Variants in TRMT9B observed in about 807,000 individuals in gnomAD.
The protein encoded by TRMT9B is tRNA methyltransferase 9B (putative).
Under a neutral mutation model 11.5 loss-of-function variants are expected in TRMT9B, and 16 were observed. The ratio of observed to expected loss-of-function variants is 1.39; its 90% CI spans 0.94 to 2.11. The LOEUF is 2.11. Ranked by LOEUF, TRMT9B falls within the 30% of genes most tolerant of loss-of-function variation. TRMT9B has a pLI of 0.00. For synonymous variants in TRMT9B, 274 were observed against 192.4 expected (o/e 1.42, Z -3.51); for missense variants, 941 against 553.8 (o/e 1.70, Z -7.02).
At chr8:12,987,748 C>T (rs185993375) in intron 1 of TRMT9B, among the ~76,000 whole-genome samples, 10 of 152,202 alleles carry the variant, frequency 6.6e-5, no homozygotes, top group African/African-American at 2.4e-4. Flanking sequence ...GCTTACCTCC[C>T]TAGCCTACCT....
intron 3 of TRMT9B, among the ~76,000 whole-genome samples, chr8:13,009,386 GA>G (rs1432545501): frequency 2.0e-5 from 3 of 152,118 alleles, no homozygotes; most frequent in Non-Finnish European, 2.9e-5. Flanking sequence ...ATAGGGAAAG[GA>G]TGTGAACAAA....
chr8:13,021,486 A>T lies in TRMT9B; in HGVS notation c.807A>T (p.Arg269Ser). Residue 269 changes from arginine (R) to serine (S), a missense_variant, in exon 5 of 5, where the codon AGA becomes AGT. Coordinates refer to ENST00000524591, the MANE Select transcript of TRMT9B (RefSeq NM_020844.3). ...STLRKQIERVRPLKNTEVWAS... is the reference protein window; with the variant it reads ...STLRKQIERVSPLKNTEVWAS... ...TGAGGAAGCAAATTGAAAGAGTAAG[A>T]CCCTTGAAAAACACAGAAGTTTGGG... 3.1e-6 allele frequency: 5 copies of T among 1,613,764 alleles called. No individual in the cohort carries two copies. Among genetic ancestry groups the T allele is most frequent in the Middle Eastern group, 1.6e-4 (1 of 6,062 alleles).
intron 1 of TRMT9B, among the ~76,000 whole-genome samples, chr8:12,977,109 CTA>C (rs1223161368): frequency 6.6e-6 from 1 of 152,208 alleles, no homozygotes; most frequent in Non-Finnish European, 1.5e-5. Context: ...AATGTCTACT[CTA>C]TTGAATCCCT....
intron 1 of TRMT9B, among the ~76,000 whole-genome samples, chr8:12,980,773 G>A (rs543974868): frequency 1.3e-5 from 2 of 152,220 alleles, no homozygotes; most frequent in African/African-American, 4.8e-5. Flanking sequence ...GAGGAGAAAG[G>A]AAATTCCAGG....
At chr8:13,014,566 A>G (rs990671076) in intron 4 of TRMT9B, among the ~76,000 whole-genome samples, 1 of 152,126 alleles carries the variant, frequency 6.6e-6, no homozygotes, top group African/African-American at 2.4e-5. Flanking sequence ...TCACAACTTC[A>G]TCTAAACCTC....
intron 2 of TRMT9B, among the ~76,000 whole-genome samples, chr8:13,002,450 A>G (rs1168965957): frequency 6.6e-6 from 1 of 152,230 alleles, no homozygotes; most frequent in African/African-American, 2.4e-5. Flanking sequence ...AGCCAGCCAT[A>G]TGTTTACTTC....
In TRMT9B at chr8:13,006,308, C is replaced by T. The variant is rs773953427; in HGVS notation, c.106C>T (p.Arg36Cys). The change falls in exon 3 of 5, where the codon CGC becomes TGC. Residue 36 changes from arginine to cysteine, a missense_variant. By Grantham distance (180) the Arg-to-Cys change is radical (BLOSUM62 -3). Transcript: ENST00000524591. ...DLQSKAWPRV[R>C]QFLQEQKPGS... ...GCAGAGCAAAGCCTGGCCTCGTGTC[C>T]GCCAGTTCCTGCAAGAGCAGAAGCC... 1.3e-5 allele frequency: 21 copies of T among 1,613,624 alleles called. No homozygotes were observed. Among genetic ancestry groups the T allele is most frequent in the African/African-American group, 5.3e-5 (4 of 75,044 alleles).
intron 1 of TRMT9B, among the ~76,000 whole-genome samples, chr8:12,950,043 G>A (rs1800472417): frequency 6.6e-6 from 1 of 151,984 alleles, no homozygotes; most frequent in South Asian, 2.1e-4. Context: ...TTTCAGAAAT[G>A]AGGTTTCACT....
chr8:12,968,048 C>A (rs529170290), intron 1 of TRMT9B, among the ~76,000 whole-genome samples: 1 of 152,174 alleles, frequency 6.6e-6, no homozygotes, highest in African/African-American at 2.4e-5. Flanking sequence ...CCACACCCAG[C>A]TAATTCTTGC....
chr8:13,011,980 G>C lies in TRMT9B; in HGVS notation c.155-704G>C, dbSNP rs1210434812. 3.0e-6 allele frequency: 3 copies of C among 985,192 alleles called. No homozygotes were observed. In the South Asian group the frequency reaches 1.4e-4, roughly 46 times the overall value. 61.0% of individuals were successfully genotyped at this position (985,192 alleles called of 1,614,324 possible). A position where few individuals can be genotyped will look rare whatever the true frequency, so the allele number is the denominator to read the frequency against. ...GTAAGAATCTTTGGAGAGACAACAG[G>C]AGAATAAAAGCCGAAACATGCGTAT... On this transcript the variant is annotated intron_variant, in intron 3 of 4. Coordinates refer to ENST00000524591, the MANE Select transcript of TRMT9B (RefSeq NM_020844.3).
At chr8:12,969,465 A>G (rs942676496) in intron 1 of TRMT9B, among the ~76,000 whole-genome samples, 3 of 152,212 alleles carry the variant, frequency 2.0e-5, no homozygotes, top group Admixed American at 1.3e-4. Context: ...TCATGGATGC[A>G]CAACTCTGTG....
At chr8:13,002,963 C>T (rs931575544) in intron 2 of TRMT9B, among the ~76,000 whole-genome samples, 23 of 152,088 alleles carry the variant, frequency 1.5e-4, no homozygotes, top group African/African-American at 5.6e-4. Flanking sequence ...TGATCACTCC[C>T]TCTGCTAACC....
At position 13,026,661 on chromosome 8, in the gene TRMT9B, A is replaced by G. The variant is rs1310249605; in HGVS notation, c.*4617A>G. The G allele has an allele frequency of 6.0e-6, 1 of 167,146 alleles. No homozygotes were observed. Among genetic ancestry groups the G allele is most frequent in the East Asian group, 1.9e-4 (1 of 5,204 alleles). The allele number at this position is 167,146 out of a possible 1,614,324, so 10.4% of individuals were successfully genotyped here. ...TGTTCCCATTTTGCAGATGAGGAAA[A>G]CTGAGGCAGAAAGAAATTAAATTGC... On this transcript the variant is annotated 3_prime_UTR_variant, in exon 5 of 5. Coordinates refer to ENST00000524591, the MANE Select transcript of TRMT9B (RefSeq NM_020844.3).
intron 1 of TRMT9B, among the ~76,000 whole-genome samples, chr8:12,961,440 G>A (rs1170060947): frequency 1.3e-5 from 2 of 151,814 alleles, no homozygotes; most frequent in Admixed American, 6.6e-5. Flanking sequence ...GGTGGCTCAC[G>A]CCTGTAATCC....
chr8:12,993,371 A>G (rs945572759), intron 2 of TRMT9B, among the ~76,000 whole-genome samples: 3 of 152,346 alleles, frequency 2.0e-5, no homozygotes, highest in Middle Eastern at 3.4e-3. Flanking sequence ...TGTAGCCAGC[A>G]AACCAGGAAT....
chr8:12,971,145 T>G (rs1803559347), intron 1 of TRMT9B, among the ~76,000 whole-genome samples: 1 of 152,244 alleles, frequency 6.6e-6, no homozygotes, highest in Admixed American at 6.5e-5. Flanking sequence ...TGTAGCTATT[T>G]TGAAATAGAC....
intron 3 of TRMT9B, chr8:13,010,656 C>T (rs1187449986): frequency 1.8e-5 from 18 of 984,408 alleles, no homozygotes; most frequent in Non-Finnish European, 2.1e-5. Flanking sequence ...AACAGGCCCT[C>T]CTCATTCTAA....
intron 1 of TRMT9B, chr8:12,952,740 G>GT: frequency 2.1e-6 from 2 of 956,982 alleles, no homozygotes; most frequent in Non-Finnish European, 2.5e-6. Context: ...CTATGTGTGG[G>GT]GTTTTTTTTG....
At chr8:13,014,349 G>T (rs969741263) in intron 4 of TRMT9B, among the ~76,000 whole-genome samples, 12 of 152,144 alleles carry the variant, frequency 7.9e-5, no homozygotes, top group Admixed American at 2.0e-4. Flanking sequence ...CCGTTCTGGA[G>T]GCTGGACATC....
Sources: allele counts gnomAD v4.1 joint callset (sites outside exome capture counted in the v4.1 genomes callset), GRCh38; gene constraint gnomAD v4.1.1; transcripts MANE v1.5; gene names NCBI Gene and HGNC (gene_info 2026-07-23, HGNC 2026-07-21).